Variants in CDIP1 observed in about 807,000 individuals in gnomAD.
CDIP1 encodes cell death inducing p53 target 1, also known as cell death-inducing p53-target protein 1.
Under a neutral mutation model 17.7 loss-of-function variants are expected in CDIP1, and 9 were observed. The observed-to-expected ratio is 0.51, with a 90% CI of 0.31 to 0.89. The LOEUF is 0.89. Among genes scored for constraint, CDIP1 ranks in the 40% least tolerant of loss-of-function variants. The pLI, the probability that CDIP1 is intolerant of heterozygous loss-of-function variation, is 0.05. For synonymous variants in CDIP1, 117 were observed against 109.5 expected, an observed-to-expected ratio of 1.07 and a Z score of -0.43; for missense variants, 263 against 277.9, an observed-to-expected ratio of 0.95 and a Z score of 0.38.
chr16:4,516,313 C>A (rs1325514221), intron 1 of CDIP1, among the ~76,000 whole-genome samples: 1 of 152,144 alleles, frequency 6.6e-6, no homozygotes, highest in Non-Finnish European at 1.5e-5. Flanking sequence ...AACGAAGATG[C>A]TCTGAAACCG....
intron 1 of CDIP1, among the ~76,000 whole-genome samples, chr16:4,534,574 C>A (rs2059087334): frequency 6.6e-6 from 1 of 152,178 alleles, no homozygotes; most frequent in Non-Finnish European, 1.5e-5. Context: ...CCAAGTCCCA[C>A]TGTGCTGCTA....
intron 1 of CDIP1, among the ~76,000 whole-genome samples, chr16:4,516,542 G>A (rs986401729): frequency 1.3e-5 from 2 of 151,890 alleles, no homozygotes; most frequent in African/African-American, 2.4e-5. Flanking sequence ...TTGTAGAGAC[G>A]GGGGTCTCAC....
chr16:4,513,002 G>T lies in CDIP1; in HGVS notation c.304C>A (p.Pro102Thr). Residue 102 changes from proline (P) to threonine (T), a missense_variant, in exon 5 of 6, where the codon CCA (proline) becomes ACA (threonine). Physicochemically the swap from Pro to Thr is conservative, Grantham distance 38. Transcript: ENST00000567695. The surrounding 1 kb of genome is among the most constrained non-coding windows in gnomAD (Gnocchi z 4.1). ...MGYYPPGPYT[P>T]GPYPGPGGHT... ...CCCCCAGGGCCAGGGTAGGGCCCTG[G>T]CGTGTAGGGCCCTGGGGGGTAGTAG... 6.3e-7 allele frequency: 1 copy of T among 1,590,424 alleles called. No individual in the cohort carries two copies. The highest frequency in any genetic ancestry group is 1.1e-5 in the South Asian group (1 of 87,400).
At position 4,522,103 on chromosome 16, in the gene CDIP1, G is replaced by A. The variant is rs183360240; in HGVS notation, c.-104-7439C>T. 7.2e-5 allele frequency among the ~76,000 whole-genome samples: 11 copies of A among 152,296 alleles called. No homozygotes were observed. The East Asian group carries it at 1.9e-3, about 27-fold the overall frequency. On this transcript the variant is annotated intron_variant, in intron 1 of 5. Coordinates refer to ENST00000567695, the MANE Select transcript of CDIP1 (RefSeq NM_013399.3). ...CCTCTACCGGATTCTGGAGGGACTT[G>A]CAATCAAAACCCTCCCTAAGAACTC...
At chr16:4,517,193 C>G (rs2058897190) in intron 1 of CDIP1, among the ~76,000 whole-genome samples, 1 of 152,122 alleles carries the variant, frequency 6.6e-6, no homozygotes, top group African/African-American at 2.4e-5. Context: ...GAAAGGATGC[C>G]AATTTATAGT....
At chr16:4,534,432 G>A (rs1244942172) in intron 1 of CDIP1, among the ~76,000 whole-genome samples, 1 of 152,218 alleles carries the variant, frequency 6.6e-6, no homozygotes, top group Non-Finnish European at 1.5e-5. Flanking sequence ...AATGGGGCTG[G>A]GAGAGCCCAC....
intron 1 of CDIP1, among the ~76,000 whole-genome samples, chr16:4,526,331 G>A (rs1186378276): frequency 6.6e-6 from 1 of 151,662 alleles, no homozygotes; most frequent in Non-Finnish European, 1.5e-5. Context: ...CTTGAACCCA[G>A]GAGGCGGAGG....
chr16:4,535,895 C>T (rs2141664165), intron 1 of CDIP1, among the ~76,000 whole-genome samples: 1 of 152,232 alleles, frequency 6.6e-6, no homozygotes, highest in Non-Finnish European at 1.5e-5. Context: ...CCTGACTAGG[C>T]AGAGACAGAA....
intron 1 of CDIP1, chr16:4,536,772 CAA>C (rs33970281): frequency 5.9e-5 from 6 of 101,544 alleles, no homozygotes; most frequent in Admixed American, 1.2e-4. Flanking sequence ...GCCATCTCTA[CAA>C]AAAAAAAAAA....
At chr16:4,534,085 G>A (rs896008652) in intron 1 of CDIP1, among the ~76,000 whole-genome samples, 3 of 152,072 alleles carry the variant, frequency 2.0e-5, no homozygotes, top group African/African-American at 7.2e-5. Context: ...TGAGTAGCTG[G>A]AATTACAGGC....
rs781076825 is a variant in CDIP1 at position 4,513,827 on chromosome 16, T to C, written c.110A>G (p.Gln37Arg). 3 of 1,589,546 alleles carry C rather than the reference T, an allele frequency of 1.9e-6. No individual in the cohort carries two copies. Among genetic ancestry groups the C allele is most frequent in the Middle Eastern group, 1.7e-4 (1 of 5,912 alleles). ...GGGCAGTGGCATGCCTGGAGGGGGCTGCATCACAGCTGGGGAGGAACGGCC... is the reference window on the plus strand; with the variant it reads ...GGGCAGTGGCATGCCTGGAGGGGGCCGCATCACAGCTGGGGAGGAACGGCC... ...TPGRSSPAVMQPPPGMPLPPA... is the reference protein window; with the variant it reads ...TPGRSSPAVMRPPPGMPLPPA... The change falls in exon 4 of 6, where the codon CAG becomes CGG. Residue 37 changes from glutamine (Q) to arginine (R), a missense_variant. Coordinates refer to ENST00000567695, the MANE Select transcript of CDIP1 (RefSeq NM_013399.3). The surrounding 1 kb of genome is among the most constrained non-coding windows in gnomAD (Gnocchi z 4.1).
intron 1 of CDIP1, among the ~76,000 whole-genome samples, chr16:4,531,328 T>TC (rs2059055061): frequency 6.8e-6 from 1 of 146,220 alleles, no homozygotes; most frequent in Non-Finnish European, 1.5e-5. Flanking sequence ...GTGCCCGGCC[T>TC]TTTTTTTTTG....
At chr16:4,532,125 A>G (rs1302456034) in intron 1 of CDIP1, 1 of 152,272 alleles carries the variant, frequency 6.6e-6, no homozygotes, top group East Asian at 1.9e-4. Flanking sequence ...CACAGCATGC[A>G]AATCAGCACC....
chr16:4,537,612 C>A (rs2059122223), intron 1 of CDIP1, among the ~76,000 whole-genome samples: 1 of 152,214 alleles, frequency 6.6e-6, no homozygotes, highest in Non-Finnish European at 1.5e-5. Context: ...TTCTCAGCCC[C>A]AGCTGCGCCC....
rs915306047 is a variant in CDIP1, at chr16:4,513,342, T to C, written c.242-278A>G. On this transcript the variant is annotated intron_variant, in intron 4 of 5. Transcript: ENST00000567695. This position sits in a 1 kb window ranked among gnomAD's most constrained non-coding sequence, Gnocchi z 4.1. ...ACATGGCCCGGTCCCTCTGCTCCTC[T>C]GTCTGTCTCCAGCATGCAAGGACAG... Among the ~76,000 whole-genome samples, 2 of 151,960 alleles carry C rather than the reference T, an allele frequency of 1.3e-5. No homozygotes were observed. The highest frequency in any genetic ancestry group is 2.4e-5 in the African/African-American group (1 of 41,278).
intron 1 of CDIP1, among the ~76,000 whole-genome samples, chr16:4,519,170 C>T (rs376810357): frequency 6.6e-6 from 1 of 152,224 alleles, no homozygotes; most frequent in Non-Finnish European, 1.5e-5. Context: ...CCTCCACACC[C>T]TCTGGGTTCT....
At chr16:4,535,632 C>A (rs951044790) in intron 1 of CDIP1, among the ~76,000 whole-genome samples, 1 of 152,252 alleles carries the variant, frequency 6.6e-6, no homozygotes, top group South Asian at 2.1e-4. Context: ...GAGGTCTCCA[C>A]GTCTAGGCAG....
intron 1 of CDIP1, among the ~76,000 whole-genome samples, chr16:4,518,952 G>T (rs369422112): frequency 1.3e-5 from 2 of 152,210 alleles, no homozygotes; most frequent in East Asian, 3.8e-4. Flanking sequence ...AGAGGAGGAA[G>T]GGGAGACTTG....
At chr16:4,535,790 A>G (rs2059100743) in intron 1 of CDIP1, among the ~76,000 whole-genome samples, 1 of 152,222 alleles carries the variant, frequency 6.6e-6, no homozygotes, top group Non-Finnish European at 1.5e-5. Flanking sequence ...GGGCATGGGG[A>G]GGTTCTGGCC....
Sources: allele counts gnomAD v4.1 joint callset (sites outside exome capture counted in the v4.1 genomes callset), GRCh38; gene constraint gnomAD v4.1.1; non-coding constraint Gnocchi (gnomAD v3.1); transcripts MANE v1.5; gene names NCBI Gene and HGNC (gene_info 2026-07-23, HGNC 2026-07-21).